Variants in NBPF11 observed in about 807,000 individuals in gnomAD.
The protein encoded by NBPF11 is NBPF member 11.
NBPF11 carries 72 observed loss-of-function variants against 93.9 expected under a neutral mutation model. The observed-to-expected ratio is 0.77, with a 90% confidence interval of 0.63 to 0.93. The LOEUF (loss-of-function observed/expected upper bound fraction) is 0.93, where lower values mean the gene tolerates loss of function less well. Ranked by LOEUF, NBPF11 falls within the 40% of genes least tolerant of loss-of-function variation. The probability of loss-of-function intolerance (pLI) is 0.00; values close to 1 mark genes in which losing one functional copy is unlikely to be tolerated. For synonymous variants in NBPF11, 224 were observed against 304.9 expected, an observed-to-expected ratio of 0.73 and a Z score of 2.76; for missense variants, 705 against 802.2, an observed-to-expected ratio of 0.88 and a Z score of 1.46.
chr1:148,106,177 T>A lies in NBPF11; in HGVS notation c.2303+4A>T, dbSNP rs1352053387. The A allele has an allele frequency of 2.3e-6, 2 of 880,248 alleles. No homozygotes were observed. The highest frequency in any genetic ancestry group is 3.9e-6 in the Non-Finnish European group (2 of 514,056). The allele number at this position is 880,248 out of a possible 1,614,324, so 54.5% of individuals were successfully genotyped here. ...GAAGTAGCTGTTCACAATTGCTCAG[T>A]TACCTGGGGCACGGTGGGCCTTGGT... On this transcript the variant is annotated splice_donor_region_variant and intron_variant, in intron 21 of 23. Transcript: ENST00000682118.
chr1:148,115,645 T>C, intron 14 of NBPF11, 148 bp downstream of exon 14: 1 of 1,317,178 alleles, frequency 7.6e-7, no homozygotes, highest in South Asian at 1.3e-5. Context: ...TGACATTAGC[T>C]GAGAAGGACA....
At position 148,118,074 on chromosome 1, in the gene NBPF11, C is replaced by G. The variant is rs1432237224; in HGVS notation, c.1092-288G>C. On this transcript the variant is annotated intron_variant, in intron 11 of 23. Transcript: ENST00000682118. Reference sequence around the variant, plus strand: ...ATTCCGTTTCAAAAAGACATCCTTTCAGTTCCTCACTCTGGCCATGGACAT... The same window carrying G: ...ATTCCGTTTCAAAAAGACATCCTTTGAGTTCCTCACTCTGGCCATGGACAT... Among the ~76,000 whole-genome samples the G allele has an allele frequency of 3.3e-5, 5 of 151,300 alleles. No individual in the cohort carries two copies. The East Asian group carries it at 7.8e-4, about 24-fold the overall frequency.
chr1:148,146,715 G>A, intron 1 of NBPF11: 1 of 1,612,068 alleles, frequency 6.2e-7, no homozygotes, highest in Non-Finnish European at 8.5e-7. Context: ...TTCGCTGCGT[G>A]CCTGGTGCCA....
At chr1:148,146,297 C>G (rs1362147324) in intron 1 of NBPF11, 2 of 1,347,436 alleles carry the variant, frequency 1.5e-6, no homozygotes. Flanking sequence ...TCCCCCCTGC[C>G]CGCGACTCGG....
intron 2 of NBPF11, among the ~76,000 whole-genome samples, chr1:148,139,806 A>G (rs1369922912): frequency 6.7e-6 from 1 of 149,348 alleles, no homozygotes; most frequent in African/African-American, 2.5e-5. Flanking sequence ...GGTCACAGGG[A>G]AGAGAAGCTA....
chr1:148,148,209 G>A (rs1480837332), intron 1 of NBPF11, among the ~76,000 whole-genome samples: 1 of 152,242 alleles, frequency 6.6e-6, no homozygotes, highest in African/African-American at 2.4e-5. Context: ...GTGCTGCCAG[G>A]AGGCTGGGAT....
At chr1:148,107,173 C>T in intron 19 of NBPF11, 59 bp from the exon 20 acceptor site, 1 of 570,524 alleles carries the variant, frequency 1.8e-6, no homozygotes, top group Non-Finnish European at 3.1e-6. Context: ...CACACAGCCC[C>T]AGCTAGATTT....
chr1:148,147,099 A>C (rs1673270817), intron 1 of NBPF11, among the ~76,000 whole-genome samples: 1 of 152,142 alleles, frequency 6.6e-6, no homozygotes, highest in Non-Finnish European at 1.5e-5. Flanking sequence ...TGCCGCCTCC[A>C]CATGGCTGAG....
chr1:148,136,292 T>G (rs1247960761), intron 3 of NBPF11, among the ~76,000 whole-genome samples: 1 of 151,774 alleles, frequency 6.6e-6, no homozygotes, highest in African/African-American at 2.4e-5. Context: ...GCAGTTTTAT[T>G]CGTAATAGGA....
Position 148,131,265 on chromosome 1 carries a change from G to A in NBPF11, c.-35-4227C>T, listed in dbSNP as rs1412405982. Among the ~76,000 whole-genome samples, 75 of 150,606 alleles carry A rather than the reference G, an allele frequency of 5.0e-4. 2 individuals carry two copies. Among genetic ancestry groups the A allele is most frequent in the African/African-American group, 1.3e-3 (51 of 40,734 alleles). On this transcript the variant is annotated intron_variant, in intron 4 of 23. Transcript: ENST00000682118. ...TTTTTCCTGGGCCTTAAAGCATGAC[G>A]AAATAACGAAGGCATTCTTAACAGG...
chr1:148,139,092 C>CA lies in NBPF11; in HGVS notation c.-276-1284dup, dbSNP rs1160655827. ...AGGAAAAGAGAAATAACTCCATCTC[C>CA]AAAAAAAAAGATAAAATAAAATAAA... On this transcript the variant is annotated intron_variant, in intron 2 of 23. Transcript: ENST00000682118. Among the ~76,000 whole-genome samples, 101 of 147,742 alleles carry CA rather than the reference C, an allele frequency of 6.8e-4. 2 individuals carry two copies. The East Asian group carries it at 7.5e-3, about 11-fold the overall frequency.
At position 148,108,661 on chromosome 1, in the gene NBPF11, A is replaced by T. The variant is rs781974123; in HGVS notation, c.1854-7T>A. 1 of 937,388 alleles carries T rather than the reference A, an allele frequency of 1.1e-6. No individual in the cohort carries two copies. Among genetic ancestry groups the T allele is most frequent in the Non-Finnish European group, 1.8e-6 (1 of 565,066 alleles). The allele number at this position is 937,388 out of a possible 1,614,324, so 58.1% of individuals were successfully genotyped here. On this transcript the variant is annotated splice_polypyrimidine_tract_variant and splice_region_variant and intron_variant, in intron 17 of 23. Coordinates refer to ENST00000682118, the MANE Select transcript of NBPF11 (RefSeq NM_001385469.3). The stretch of plus-strand genomic sequence containing the variant: ...CAGCAGCTCCCTGCTGAGCCTGGAA[A>T]AGTGGGAAAAAGTAAAGAATAAGCC...
chr1:148,134,137 T>A (rs1380421602), intron 4 of NBPF11, among the ~76,000 whole-genome samples: 2 of 151,728 alleles, frequency 1.3e-5, no homozygotes, highest in African/African-American at 4.9e-5. Flanking sequence ...TGCACGCCGC[T>A]GTTCCCCTCA....
At chr1:148,124,816 G>T (rs1195127975) in intron 6 of NBPF11, 83 bp downstream of exon 6, 6 of 1,352,980 alleles carry the variant, frequency 4.4e-6, no homozygotes, top group African/African-American at 2.8e-5. Context: ...GCCCAGCTTC[G>T]TTCTTACTTC....
At chr1:148,105,310 T>C in intron 22 of NBPF11, 50 bp downstream of exon 22, 1 of 737,894 alleles carries the variant, frequency 1.4e-6, no homozygotes. Context: ...ATATGATCTT[T>C]ATATGGAAGA....
rs1662800921 is a variant in NBPF11, at chr1:148,103,630, G to T, written c.*266C>A. The stretch of plus-strand genomic sequence containing the variant: ...AAATCTTCAGGTGCCTATAGGTCCT[G>T]CCTGCAGGAATGACACCTCTCGGCT... On this transcript the variant is annotated 3_prime_UTR_variant, in exon 24 of 24. Transcript: ENST00000682118. The T allele has an allele frequency of 1.2e-6, 2 of 1,610,706 alleles. No individual in the cohort carries two copies. The highest frequency in any genetic ancestry group is 1.7e-6 in the Non-Finnish European group (2 of 1,178,978).
intron 1 of NBPF11, among the ~76,000 whole-genome samples, chr1:148,148,360 G>T (rs1381270692): frequency 6.6e-6 from 1 of 152,320 alleles, no homozygotes; most frequent in South Asian, 2.1e-4. Context: ...AGAGTTGTGG[G>T]GTCCCGGCAT....
intron 2 of NBPF11, among the ~76,000 whole-genome samples, chr1:148,142,201 A>T (rs1289792746): frequency 2.0e-5 from 3 of 151,848 alleles, no homozygotes; most frequent in African/African-American, 7.3e-5. Context: ...GAACAAATTT[A>T]CATGAAGATG....
At chr1:148,116,979 A>C (rs1445743533) in intron 12 of NBPF11, among the ~76,000 whole-genome samples, 5,874 of 148,564 alleles carry the variant, frequency 0.04, 37 homozygotes, top group East Asian at 0.11. Flanking sequence ...CTGCTGTGTT[A>C]TTCAGGGACA....
Sources: gnomAD v4.1 joint callset for allele counts (sites outside exome capture counted in the v4.1 genomes callset) on GRCh38, gnomAD v4.1.1 for gene constraint, MANE v1.5 for transcripts, NCBI Gene and HGNC (gene_info 2026-07-23, HGNC 2026-07-21) for gene names.